The following STYX variants were observed in gnomAD, a reference collection of about 807,000 sequenced individuals.
The protein encoded by STYX is serine/threonine/tyrosine interacting protein.
Under a neutral mutation model 42.7 loss-of-function variants are expected in STYX, and 20 were observed. The ratio of observed to expected loss-of-function variants is 0.47; its 90% CI spans 0.33 to 0.68. The LOEUF (loss-of-function observed/expected upper bound fraction) is 0.68. STYX is among the 30% of genes least tolerant of loss of function. The pLI, the probability that STYX is intolerant of heterozygous loss-of-function variation, is 0.02. For synonymous variants in STYX, 78 were observed against 81.9 expected, an observed-to-expected ratio of 0.95 and a Z score of 0.26; for missense variants, 226 against 268.5, an observed-to-expected ratio of 0.84 and a Z score of 1.11.
chr14:52,753,675 A>G (rs1881724910), intron 4 of STYX, among the ~76,000 whole-genome samples: 1 of 152,116 alleles, frequency 6.6e-6, no homozygotes, highest in Non-Finnish European at 1.5e-5. Context: ...AGTACAGTGT[A>G]AGTGCTGTGT....
chr14:52,752,443 G>A (rs769973963), intron 4 of STYX, among the ~76,000 whole-genome samples: 10 of 151,894 alleles, frequency 6.6e-5, no homozygotes, highest in Non-Finnish European at 1.3e-4. Context: ...CCAGCCTGGC[G>A]ACAGAGCAAG....
Position 52,743,670 on chromosome 14 carries a change from T to C in STYX, c.58-1182T>C, listed in dbSNP as rs571129920. Among the ~76,000 whole-genome samples, 4 of 152,316 alleles carry C rather than the reference T, an allele frequency of 2.6e-5. No individual in the cohort carries two copies. The East Asian group carries it at 7.7e-4, about 29-fold the overall frequency. On this transcript the variant is annotated intron_variant, in intron 1 of 10. Coordinates refer to ENST00000354586, the MANE Select transcript of STYX (RefSeq NM_145251.4). The stretch of plus-strand genomic sequence containing the variant: ...ATTCCTTGTACTATTTTTGCAACTT[T>C]TCTATAATCCTAAAATTGTTTCAAA...
rs1882644962 is a variant in STYX at position 52,774,566 on chromosome 14, GTC to G, written c.*3464_*3465del. The G allele has an allele frequency of 6.7e-6, 1 of 149,692 alleles. No individual in the cohort carries two copies. The highest frequency in any genetic ancestry group is 1.5e-5 in the Non-Finnish European group (1 of 67,572). The allele number at this position is 149,692 out of a possible 1,614,324, so 9.3% of individuals were successfully genotyped here. ...TTTTTTTAATTGATTAGAAAAGTAA[GTC>G]TCTAGGGTCTTTGAATGCTGGAATT... On this transcript the variant is annotated 3_prime_UTR_variant, in exon 11 of 11. Transcript: ENST00000354586.
intron 9 of STYX, among the ~76,000 whole-genome samples, chr14:52,765,413 C>T (rs1882261397): frequency 6.6e-6 from 1 of 152,132 alleles, no homozygotes; most frequent in South Asian, 2.1e-4. Flanking sequence ...GATGGAATTT[C>T]ACCATGTTAG....
At chr14:52,738,427 C>T (rs1007603949) in intron 1 of STYX, among the ~76,000 whole-genome samples, 1 of 152,074 alleles carries the variant, frequency 6.6e-6, no homozygotes, top group African/African-American at 2.4e-5. Flanking sequence ...TTCTTTGAAG[C>T]CTCTTGTTTT....
intron 5 of STYX, among the ~76,000 whole-genome samples, chr14:52,756,861 A>G: frequency 6.6e-6 from 1 of 151,210 alleles, no homozygotes; most frequent in Non-Finnish European, 1.5e-5. Context: ...CTAATTTTGT[A>G]TTTTTAGTAG....
At chr14:52,769,154 G>A (rs529967737) in intron 10 of STYX, among the ~76,000 whole-genome samples, 5 of 152,170 alleles carry the variant, frequency 3.3e-5, no homozygotes, top group East Asian at 1.9e-4. Flanking sequence ...AAAATAATAC[G>A]AATCTGGAGA....
intron 2 of STYX, among the ~76,000 whole-genome samples, chr14:52,745,550 G>A (rs1254975): frequency 0.64 from 96,601 of 152,100 alleles, 30,983 homozygotes; most frequent in African/African-American, 0.73. Flanking sequence ...TGTCTGTACA[G>A]CAAATAAGCA....
Position 52,771,077 on chromosome 14 carries a change from A to G in STYX, c.643A>G (p.Met215Val). The G allele has an allele frequency of 6.2e-7, 1 of 1,612,556 alleles. No homozygotes were observed. The highest frequency in any genetic ancestry group is 2.2e-5 in the East Asian group (1 of 44,834). Residue 215 changes from methionine (M) to valine (V), a missense_variant, in exon 11 of 11, where the codon ATG becomes GTG. Transcript: ENST00000354586. The stretch of plus-strand genomic sequence containing the variant: ...TGAAGAAGAGGATGATTTTGGAACC[A>G]TGCAAGTGGCGACTGCACAGAATGG... ...THEEEDDFGTMQVATAQNG is the reference protein window; with the variant it reads ...THEEEDDFGTVQVATAQNG
At chr14:52,751,309 A>C (rs529942995) in intron 4 of STYX, among the ~76,000 whole-genome samples, 251 of 152,276 alleles carry the variant, frequency 1.6e-3, no homozygotes, top group Non-Finnish European at 2.9e-3. Context: ...TTGTATGGCT[A>C]TACTAAAATT....
rs1440483030 is a variant in STYX at position 52,757,871 on chromosome 14, C to T, written c.381-3C>T. The T allele has an allele frequency of 1.2e-6, 2 of 1,612,744 alleles. No individual in the cohort carries two copies. Among genetic ancestry groups the T allele is most frequent in the African/African-American group, 2.7e-5 (2 of 74,896 alleles). On this transcript the variant is annotated splice_polypyrimidine_tract_variant and splice_region_variant and intron_variant, in intron 7 of 10. Coordinates refer to ENST00000354586, the MANE Select transcript of STYX (RefSeq NM_145251.4). ...GTTTTTAAAATTATTTTCCCCTCTTCAGTGCAGCCTTTGTTATTGCATACA... is the reference window on the plus strand; with the variant it reads ...GTTTTTAAAATTATTTTCCCCTCTTTAGTGCAGCCTTTGTTATTGCATACA...
rs747929509 is a variant in STYX, at chr14:52,774,719, A to G, written c.*3613A>G. On this transcript the variant is annotated 3_prime_UTR_variant, in exon 11 of 11. Transcript: ENST00000354586. The stretch of plus-strand genomic sequence containing the variant: ...TACCTCACAGTTCAAAGTGTATTCT[A>G]TAGATCAGTAACATTATACTGACAT... 6.6e-6 allele frequency: 1 copy of G among 151,814 alleles called. No homozygotes were observed. The highest frequency in any genetic ancestry group is 1.5e-5 in the Non-Finnish European group (1 of 67,996). The allele number at this position is 151,814 out of a possible 1,614,324, so 9.4% of individuals were successfully genotyped here. A position where few individuals can be genotyped will look rare whatever the true frequency, so the allele number is the denominator to read the frequency against.
At position 52,771,103 on chromosome 14, in the gene STYX, C is replaced by G; in HGVS notation, c.669C>G (p.Gly223=). The change falls in exon 11 of 11, where the codon GGC becomes GGG. Residue 223 remains glycine, a synonymous_variant. Transcript: ENST00000354586. ...TGCAAGTGGCGACTGCACAGAATGG[C>G]TGACTTGAAGAGCAACATCATAGAG... The part of the protein sequence containing the change: ...GTMQVATAQN[G] 6.2e-7 allele frequency: 1 copy of G among 1,608,250 alleles called. No individual in the cohort carries two copies. The highest frequency in any genetic ancestry group is 8.5e-7 in the Non-Finnish European group (1 of 1,176,306).
intron 6 of STYX, 56 bp from the exon 7 acceptor site, chr14:52,757,687 G>C: frequency 6.5e-7 from 1 of 1,528,004 alleles, no homozygotes; most frequent in Non-Finnish European, 9.1e-7. Flanking sequence ...TTTCAATGTA[G>C]TTCAGCTACT....
At chr14:52,750,901 T>A in intron 4 of STYX, 121 bp downstream of exon 4, 1 of 506,624 alleles carries the variant, frequency 2.0e-6, no homozygotes, top group Non-Finnish European at 3.3e-6. Context: ...CATAGTTTTT[T>A]AAAATAAATT....
intron 1 of STYX, among the ~76,000 whole-genome samples, chr14:52,741,212 A>T (rs181867301): frequency 7.1e-5 from 10 of 140,552 alleles, no homozygotes; most frequent in Admixed American, 1.4e-4. Context: ...ATATGTTTTT[A>T]TATATATATA....
At chr14:52,738,348 C>CATAT (rs950258334) in intron 1 of STYX, among the ~76,000 whole-genome samples, 3 of 151,262 alleles carry the variant, frequency 2.0e-5, no homozygotes, top group Admixed American at 6.6e-5. Flanking sequence ...TAATATCTTC[C>CATAT]ATATATATAT....
intron 4 of STYX, among the ~76,000 whole-genome samples, chr14:52,752,389 T>A: frequency 6.6e-6 from 1 of 151,060 alleles, no homozygotes; most frequent in Non-Finnish European, 1.5e-5. Flanking sequence ...CACTTGAACC[T>A]GGGAGGCAGA....
chr14:52,751,113 A>G (rs1326847974), intron 4 of STYX, among the ~76,000 whole-genome samples: 2 of 152,128 alleles, frequency 1.3e-5, no homozygotes, highest in East Asian at 3.8e-4. Context: ...AGGTTTAGGG[A>G]AACAGCATCT....
Sources: gnomAD v4.1 joint callset for allele counts (sites outside exome capture counted in the v4.1 genomes callset) on GRCh38, gnomAD v4.1.1 for gene constraint, MANE v1.5 for transcripts, NCBI Gene and HGNC (gene_info 2026-07-23, HGNC 2026-07-21) for gene names.